ASTN1: variants seen among roughly 807,000 people sequenced by gnomAD.
The protein encoded by ASTN1 is astrotactin 1.
Under a neutral mutation model 140.7 loss-of-function variants are expected in ASTN1, and 41 were observed. The observed-to-expected ratio is 0.29, with a 90% CI of 0.23 to 0.38. The LOEUF (loss-of-function observed/expected upper bound fraction) is 0.38. Among genes scored for constraint, ASTN1 ranks in the 10% least tolerant of loss-of-function variants. The pLI is 1.00. For synonymous variants in ASTN1, 640 were observed against 652.2 expected, an observed-to-expected ratio of 0.98 and a Z score of 0.29; for missense variants, 1,479 against 1,678.8, an observed-to-expected ratio of 0.88 and a Z score of 2.08.
At chr1:177,075,518 CTT>C in intron 1 of ASTN1, among the ~76,000 whole-genome samples, 1 of 151,356 alleles carries the variant, frequency 6.6e-6, no homozygotes, top group East Asian at 1.9e-4. Flanking sequence ...TTTGTGTTGT[CTT>C]TGGTTTTTTA....
intron 21 of ASTN1, among the ~76,000 whole-genome samples, chr1:176,869,755 T>A (rs1409112280): frequency 6.6e-6 from 1 of 152,190 alleles, no homozygotes; most frequent in East Asian, 1.9e-4. Context: ...CTAGGTGGCA[T>A]GTGCTTGAAT....
chr1:177,149,347 ATATATATAGTAAATATATATATAG>A (rs1249960364), intron 1 of ASTN1, among the ~76,000 whole-genome samples: 1 of 77,910 alleles, frequency 1.3e-5, no homozygotes, highest in African/African-American at 7.1e-5. Flanking sequence ...TATATATAGT[ATATATATAGTAAATATATATATAG>A]TATATATAGT....
At chr1:176,885,387 G>A (rs1309726776) in intron 18 of ASTN1, among the ~76,000 whole-genome samples, 5 of 152,134 alleles carry the variant, frequency 3.3e-5, no homozygotes, top group Non-Finnish European at 5.9e-5. Context: ...AATTATCCAC[G>A]TGGTTTCAAT....
chr1:177,164,145 A>T (rs991110948), intron 1 of ASTN1, among the ~76,000 whole-genome samples: 2 of 152,104 alleles, frequency 1.3e-5, no homozygotes, highest in Non-Finnish European at 2.9e-5. Context: ...GACTCATGCA[A>T]CCTGTTTCTT....
At chr1:177,062,952 G>GA (rs1223814974) in intron 1 of ASTN1, among the ~76,000 whole-genome samples, 1 of 152,192 alleles carries the variant, frequency 6.6e-6, no homozygotes, top group Non-Finnish European at 1.5e-5. Flanking sequence ...CACAGAAGAA[G>GA]AAAAGAGTAA....
At chr1:177,104,396 A>G (rs1254538403) in intron 1 of ASTN1, among the ~76,000 whole-genome samples, 1 of 152,200 alleles carries the variant, frequency 6.6e-6, no homozygotes, top group Non-Finnish European at 1.5e-5. Flanking sequence ...AAACCAAACT[A>G]GTAAAATTAC....
At chr1:177,108,777 T>C (rs985225205) in intron 1 of ASTN1, among the ~76,000 whole-genome samples, 15 of 152,306 alleles carry the variant, frequency 9.8e-5, no homozygotes, top group African/African-American at 3.1e-4. Context: ...GACTGTGAGA[T>C]AGATAAATAT....
chr1:176,923,363 G>C (rs1670819979), intron 16 of ASTN1, among the ~76,000 whole-genome samples: 1 of 152,100 alleles, frequency 6.6e-6, no homozygotes, highest in Non-Finnish European at 1.5e-5. Flanking sequence ...TTTACCCTAG[G>C]TCAGCTGACT....
At chr1:176,873,458 C>A (rs1668432178) in intron 21 of ASTN1, among the ~76,000 whole-genome samples, 1 of 152,164 alleles carries the variant, frequency 6.6e-6, no homozygotes. Flanking sequence ...TAGGATAAAT[C>A]TTCACATAAG....
chr1:177,147,124 A>C (rs1370783810), intron 1 of ASTN1, among the ~76,000 whole-genome samples: 4 of 152,172 alleles, frequency 2.6e-5, no homozygotes, highest in Non-Finnish European at 4.4e-5. Context: ...CTAAGACACC[A>C]ACAGTTTTTC....
intron 16 of ASTN1, among the ~76,000 whole-genome samples, chr1:176,928,686 C>T (rs1378250397): frequency 6.6e-6 from 1 of 152,172 alleles, no homozygotes; most frequent in East Asian, 1.9e-4. Flanking sequence ...CTCTTTCAAA[C>T]TAGGGAAGTC....
At chr1:176,946,233 G>T in intron 12 of ASTN1, 113 bp from the exon 13 acceptor site, 1 of 1,034,942 alleles carries the variant, frequency 9.7e-7, no homozygotes, top group Non-Finnish European at 1.3e-6. Context: ...GATCACCAAA[G>T]ATTAGATTTC....
At chr1:177,161,813 A>G (rs1647388226) in intron 1 of ASTN1, among the ~76,000 whole-genome samples, 1 of 152,280 alleles carries the variant, frequency 6.6e-6, no homozygotes, top group East Asian at 1.9e-4. Context: ...CTTCTGGTCC[A>G]TGATTACCAT....
intron 22 of ASTN1, among the ~76,000 whole-genome samples, chr1:176,865,417 G>A (rs1289187961): frequency 2.6e-5 from 4 of 152,184 alleles, no homozygotes; most frequent in African/African-American, 4.8e-5. Flanking sequence ...TGGTGTCATA[G>A]ATAAAGAAAG....
intron 8 of ASTN1, among the ~76,000 whole-genome samples, chr1:176,987,117 C>T (rs1378998105): frequency 2.0e-5 from 3 of 152,176 alleles, no homozygotes; most frequent in Non-Finnish European, 2.9e-5. Context: ...ACAGGACAGC[C>T]TCTCACAACA....
chr1:177,156,454 A>G (rs1233882747), intron 1 of ASTN1, among the ~76,000 whole-genome samples: 13 of 152,320 alleles, frequency 8.5e-5, no homozygotes, highest in African/African-American at 3.1e-4. Flanking sequence ...ACAGGAGCCA[A>G]CTGAAAGAGC....
intron 1 of ASTN1, among the ~76,000 whole-genome samples, chr1:177,137,038 T>G (rs1223151367): frequency 6.6e-6 from 1 of 152,088 alleles, no homozygotes; most frequent in Non-Finnish European, 1.5e-5. Context: ...CTCCAGCCAT[T>G]GCAAATGGGA....
intron 1 of ASTN1, among the ~76,000 whole-genome samples, chr1:177,061,764 G>C (rs1407967567): frequency 1.3e-5 from 2 of 152,142 alleles, no homozygotes; most frequent in Non-Finnish European, 2.9e-5. Flanking sequence ...AGAGCAACTG[G>C]GGCTGGTAGG....
intron 16 of ASTN1, among the ~76,000 whole-genome samples, chr1:176,916,131 T>G (rs75737600): frequency 4.6e-5 from 7 of 152,206 alleles, no homozygotes; most frequent in African/African-American, 1.7e-4. Context: ...CTAGGTCAGA[T>G]GACTGAGTCC....
Sources: allele counts gnomAD v4.1 joint callset (sites outside exome capture counted in the v4.1 genomes callset), GRCh38; gene constraint gnomAD v4.1.1; transcripts MANE v1.5; gene names NCBI Gene and HGNC (gene_info 2026-07-23, HGNC 2026-07-21).